The following PSMG2 variants were observed in gnomAD, a reference collection of about 807,000 sequenced individuals.
PSMG2 encodes the protein proteasome assembly chaperone 2.
Under a neutral mutation model 31.5 loss-of-function variants are expected in PSMG2, and 21 were observed. The ratio of observed to expected loss-of-function variants is 0.67; its 90% CI spans 0.47 to 0.96. The LOEUF (loss-of-function observed/expected upper bound fraction) is 0.96. Among genes scored for constraint, PSMG2 ranks in the 40% least tolerant of loss-of-function variants. The pLI, the probability that PSMG2 is intolerant of heterozygous loss-of-function variation, is 0.00. For synonymous variants in PSMG2, 120 were observed against 110.4 expected, an observed-to-expected ratio of 1.09 and a Z score of -0.54; for missense variants, 318 against 321.2, an observed-to-expected ratio of 0.99 and a Z score of 0.08.
In PSMG2 at chr18:12,703,082, TCCCTGCTGGCCA is replaced by T; in HGVS notation, c.-22_-11del. On this transcript the variant is annotated 5_prime_UTR_variant, in exon 1 of 7. Transcript: ENST00000317615. ...TCGTTCTTGCCAGGGCCGCGGTTAGTCCCTGCTGGCCACCCCACTGCGACCATGTTCGTTCCC... is the reference window on the plus strand; with the variant it reads ...TCGTTCTTGCCAGGGCCGCGGTTAGTCCCCACTGCGACCATGTTCGTTCCC... 1 of 1,609,548 alleles carries T rather than the reference TCCCTGCTGGCCA, an allele frequency of 6.2e-7. No homozygotes were observed. Among genetic ancestry groups the T allele is most frequent in the Non-Finnish European group, 8.5e-7 (1 of 1,178,416 alleles).
intron 1 of PSMG2, among the ~76,000 whole-genome samples, chr18:12,667,411 C>G (rs780158591): frequency 2.0e-5 from 3 of 151,942 alleles, no homozygotes; most frequent in Non-Finnish European, 4.4e-5. Context: ...GAGCTATGAT[C>G]ACACCACTGC....
chr18:12,691,424 A>G (rs2039758822), intron 1 of PSMG2: 1 of 1,609,410 alleles, frequency 6.2e-7, no homozygotes, highest in African/African-American at 1.3e-5. Flanking sequence ...TCTCTCCACC[A>G]CTGCTTAGCA....
At chr18:12,706,147 A>G (rs1359762187) in intron 1 of PSMG2, among the ~76,000 whole-genome samples, 2 of 152,236 alleles carry the variant, frequency 1.3e-5, no homozygotes, top group Admixed American at 6.5e-5. Context: ...CAGTACTAAT[A>G]TAACTATTGT....
intron 1 of PSMG2, among the ~76,000 whole-genome samples, chr18:12,666,436 G>GTTTTT (rs557490556): frequency 7.9e-5 from 10 of 126,610 alleles, no homozygotes; most frequent in South Asian, 2.6e-4. Context: ...AAATTTTATG[G>GTTTTT]TTTTTTTTTT....
chr18:12,664,349 C>T (rs537475011), intron 1 of PSMG2, among the ~76,000 whole-genome samples: 1 of 152,036 alleles, frequency 6.6e-6, no homozygotes, highest in African/African-American at 2.4e-5. Context: ...CGAGACCATC[C>T]TGGCTAACAC....
rs1390777743 is a variant in PSMG2, at chr18:12,662,104, C to T, written c.-37+3331C>T. On this transcript the variant is annotated intron_variant, in intron 1 of 6. Transcript: ENST00000585331. ...CTGCTCTGAGTCTTTCAGGGAGCAC[C>T]ATCACTGTGCAGCCCAAGCTTTTCC... 1.4e-5 allele frequency: 6 copies of T among 433,628 alleles called. No individual in the cohort carries two copies. The Admixed American group carries it at 1.6e-4, about 12-fold the overall frequency. The allele number at this position is 433,628 out of a possible 1,614,324, so 26.9% of individuals were successfully genotyped here.
At chr18:12,659,966 T>C (rs1486868971) in intron 1 of PSMG2, among the ~76,000 whole-genome samples, 3 of 152,128 alleles carry the variant, frequency 2.0e-5, no homozygotes, top group Non-Finnish European at 4.4e-5. Context: ...ATTTTGCAAA[T>C]ACAGACTGGT....
chr18:12,714,396 C>T (rs538165870), intron 3 of PSMG2, among the ~76,000 whole-genome samples: 1 of 152,106 alleles, frequency 6.6e-6, no homozygotes, highest in Admixed American at 6.5e-5. Context: ...TGCCGAAATT[C>T]ATTTTCTTAG....
At chr18:12,712,797 G>A (rs752514745) in intron 3 of PSMG2, 37 bp downstream of exon 3, 1 of 1,487,300 alleles carries the variant, frequency 6.7e-7, no homozygotes, top group South Asian at 1.2e-5. Context: ...GTTTATTAAA[G>A]TGTAATGAGA....
Position 12,706,637 on chromosome 18 carries a change from A to T in PSMG2, c.145A>T (p.Thr49Ser). ...TATGTCTAAGATTGGTTACTTCTATACCGATTGTCTTGTGCCAATGGTTGG... is the reference window on the plus strand; with the variant it reads ...TATGTCTAAGATTGGTTACTTCTATTCCGATTGTCTTGTGCCAATGGTTGG... ...LNMSKIGYFY[T>S]DCLVPMVGNN... Residue 49 changes from threonine to serine, a missense_variant, in exon 2 of 7, where the codon ACC becomes TCC. By Grantham distance (58) the Thr-to-Ser change is moderately conservative. Coordinates refer to ENST00000317615, the MANE Select transcript of PSMG2 (RefSeq NM_020232.5). 1 of 1,614,122 alleles carries T rather than the reference A, an allele frequency of 6.2e-7. No homozygotes were observed. Among genetic ancestry groups the T allele is most frequent in the Non-Finnish European group, 8.5e-7 (1 of 1,179,972 alleles).
At chr18:12,706,225 T>C (rs1276220702) in intron 1 of PSMG2, among the ~76,000 whole-genome samples, 1 of 152,182 alleles carries the variant, frequency 6.6e-6, no homozygotes, top group Admixed American at 6.5e-5. Flanking sequence ...TCCCAGCACT[T>C]TGGGAGGCTG....
At chr18:12,671,765 C>T (rs530393349) in intron 1 of PSMG2, among the ~76,000 whole-genome samples, 5 of 151,430 alleles carry the variant, frequency 3.3e-5, no homozygotes, top group African/African-American at 9.7e-5. Context: ...CTCAGACTCC[C>T]GAGTAGCTTG....
At chr18:12,716,949 T>C (rs964535859) in intron 3 of PSMG2, among the ~76,000 whole-genome samples, 2 of 47,252 alleles carry the variant, frequency 4.2e-5, no homozygotes, top group African/African-American at 1.1e-4. Flanking sequence ...TTTCTTTTAC[T>C]TTTTTTTTTT....
chr18:12,702,312 G>A (rs1041982308), upstream of PSMG2: 15 of 558,332 alleles, frequency 2.7e-5, no homozygotes, highest in Admixed American at 4.2e-4. Context: ...CTTTCTCGGA[G>A]ACGAGGACGC....
chr18:12,683,659 G>A (rs929847828), intron 1 of PSMG2, among the ~76,000 whole-genome samples: 4 of 151,484 alleles, frequency 2.6e-5, no homozygotes, highest in African/African-American at 9.7e-5. Context: ...GCTGAGGCAG[G>A]AGAATCGCTT....
intron 1 of PSMG2, among the ~76,000 whole-genome samples, chr18:12,669,201 C>T (rs2038878207): frequency 6.6e-6 from 1 of 151,534 alleles, no homozygotes; most frequent in Non-Finnish European, 1.5e-5. Flanking sequence ...CAACCTCCAC[C>T]TCCCAGATTG....
At chr18:12,699,224 T>C (rs1415860044), upstream of PSMG2, 3 of 1,507,392 alleles carry the variant, frequency 2.0e-6, no homozygotes, top group Non-Finnish European at 2.7e-6. Flanking sequence ...TAGCAATATA[T>C]ATGAGGAAAC....
chr18:12,705,569 G>C (rs1415780752), intron 1 of PSMG2, among the ~76,000 whole-genome samples: 1 of 142,188 alleles, frequency 7.0e-6, no homozygotes, highest in Non-Finnish European at 1.5e-5. Context: ...GAGAGAGAGA[G>C]AGAGAGAGTG....
chr18:12,723,814 T>C (rs928553392), intron 5 of PSMG2, among the ~76,000 whole-genome samples: 3 of 152,182 alleles, frequency 2.0e-5, no homozygotes, highest in Non-Finnish European at 4.4e-5. Context: ...CACAACAACC[T>C]GTGAAGTAGG....
Sources: allele counts gnomAD v4.1 joint callset (sites outside exome capture counted in the v4.1 genomes callset), GRCh38; gene constraint gnomAD v4.1.1; transcripts MANE v1.5; gene names NCBI Gene and HGNC (gene_info 2026-07-23, HGNC 2026-07-21).